HAUS7: variants seen among roughly 807,000 people sequenced by gnomAD.
HAUS7 encodes HAUS augmin-like complex subunit 7.
HAUS7 carries 3 observed loss-of-function variants against 28.4 expected under a neutral mutation model. The ratio of observed to expected loss-of-function variants is 0.11; its 90% CI spans 0.05 to 0.27. The LOEUF (loss-of-function observed/expected upper bound fraction) is 0.27. HAUS7 is among the 10% of genes least tolerant of loss of function. The pLI, the probability that HAUS7 is intolerant of heterozygous loss-of-function variation, is 1.00. For synonymous variants in HAUS7, 165 were observed against 132.1 expected (o/e 1.25, Z -1.71); for missense variants, 284 against 297.3 (o/e 0.96, Z 0.33).
At chrX:153,468,391 C>T (rs1556984580) in intron 2 of HAUS7, among the ~76,000 whole-genome samples, 1 of 112,808 alleles carries the variant, frequency 8.9e-6, no homozygotes, top group Non-Finnish European at 1.9e-5. Context: ...TGGGCACACA[C>T]CCAATCCCAC....
chrX:153,469,886 C>G (rs1176277750), intron 1 of HAUS7, among the ~76,000 whole-genome samples: 6 of 110,792 alleles, frequency 5.4e-5, no homozygotes, highest in African/African-American at 2.0e-4. Context: ...CTGAGCCAGT[C>G]GCGGACAGGA....
chrX:153,449,593 G>C (rs1402688713), intron 9 of HAUS7, among the ~76,000 whole-genome samples: 1 of 112,681 alleles, frequency 8.9e-6, no homozygotes, highest in Admixed American at 9.3e-5. Flanking sequence ...GGGTGTGCAG[G>C]GCCCTCAGTG....
rs1172628014 is a variant in HAUS7 at position 153,475,813 on chromosome X, G to A, written c.-588-4668C>T. 7.7e-5 allele frequency among the ~76,000 whole-genome samples: 3 copies of A among 39,026 alleles called. No individual in the cohort carries two copies. In the East Asian group the frequency reaches 2.8e-3, roughly 37 times the overall value. 33.9% of individuals were successfully genotyped at this position (39,026 alleles called of 115,157 possible). A position where few individuals can be genotyped will look rare whatever the true frequency, so the allele number is the denominator to read the frequency against. On this transcript the variant is annotated intron_variant, in intron 1 of 5. Coordinates refer to the HAUS7 transcript ENST00000370210. ...GGAAAAGGACAGGCACGTAGTAGGT[G>A]CTCCTGCAGAGAGCAGGAGAGCAGG...
chrX:153,493,404 A>G (rs2089683886), intron 1 of HAUS7, among the ~76,000 whole-genome samples: 1 of 112,192 alleles, frequency 8.9e-6, no homozygotes, highest in Admixed American at 9.4e-5. Context: ...ATGAGTTGGC[A>G]GTGGGGGAGG....
intron 1 of HAUS7, among the ~76,000 whole-genome samples, chrX:153,489,699 A>G (rs1455728198): frequency 8.9e-6 from 1 of 112,449 alleles, no homozygotes; most frequent in African/African-American, 3.2e-5. Flanking sequence ...CTCCGGCCTG[A>G]GACCTGGGTG....
intron 1 of HAUS7, among the ~76,000 whole-genome samples, chrX:153,483,853 G>A (rs1436238474): frequency 1.8e-5 from 2 of 112,140 alleles, no homozygotes; most frequent in African/African-American, 6.5e-5. Context: ...GTGGTGGGGA[G>A]AGCTGGCCCG....
intron 1 of HAUS7, chrX:153,481,862 G>A: frequency 1.3e-6 from 1 of 755,703 alleles, no homozygotes; most frequent in Non-Finnish European, 1.6e-6. Context: ...TGCCCAACCT[G>A]GAGTGGCTGG....
chrX:153,479,596 T>C (rs916923003), intron 1 of HAUS7, among the ~76,000 whole-genome samples: 2 of 112,054 alleles, frequency 1.8e-5, no homozygotes, highest in Non-Finnish European at 3.8e-5. Context: ...GGCTGGGGTG[T>C]GCTGGGGAGG....
chrX:153,484,073 C>T (rs1556987957), intron 1 of HAUS7, among the ~76,000 whole-genome samples: 2 of 111,889 alleles, frequency 1.8e-5, no homozygotes, highest in Non-Finnish European at 3.8e-5. Flanking sequence ...GTGCTCCCTC[C>T]GGAGGCCTAG....
At chrX:153,479,200 C>T (rs1325447187) in intron 1 of HAUS7, 13 of 285,293 alleles carry the variant, frequency 4.6e-5, no homozygotes, top group African/African-American at 2.6e-4. Context: ...TTGTGCCGTC[C>T]GCCATCGTCC....
intron 3 of HAUS7, chrX:153,463,151 G>A (rs2089414449): frequency 6.1e-6 from 2 of 329,953 alleles, no homozygotes; most frequent in Non-Finnish European, 1.2e-5. Context: ...ACCTGGCGCC[G>A]TGCACACTGC....
rs1411297284 is a variant in HAUS7, at chrX:153,467,747, G to A, written c.224+1399C>T. ...GTGCAGCCTGGAGAACCCCCCGACT[G>A]CACGGCCACACCATGCTGCGGCTCC... is the stretch of plus-strand genomic sequence containing the variant. On this transcript the variant is annotated intron_variant, in intron 2 of 9. Coordinates refer to ENST00000370211, the MANE Select transcript of HAUS7 (RefSeq NM_001385482.1). 3.5e-5 allele frequency among the ~76,000 whole-genome samples: 4 copies of A among 112,767 alleles called. No individual in the cohort carries two copies. The East Asian group carries it at 1.1e-3, about 31-fold the overall frequency.
rs568383997 is a variant in HAUS7 at position 153,457,948 on chromosome X, C to A, written c.355-720G>T. On this transcript the variant is annotated intron_variant, in intron 4 of 9. Coordinates refer to ENST00000370211, the MANE Select transcript of HAUS7 (RefSeq NM_001385482.1). ...TCTTGAGCTCTGAACATCCTAACCACGTCAAAAGGGTCAACTCCATGGCAT... is the reference window on the plus strand; with the variant it reads ...TCTTGAGCTCTGAACATCCTAACCAAGTCAAAAGGGTCAACTCCATGGCAT... 2.5e-3 allele frequency among the ~76,000 whole-genome samples: 281 copies of A among 113,465 alleles called. 3 individuals are homozygous for A. Among genetic ancestry groups the A allele is most frequent in the African/African-American group, 8.6e-3 (269 of 31,365 alleles).
rs1556982288 is a variant in HAUS7, at chrX:153,456,609, G to C, written c.489C>G (p.Ala163=). The C allele has an allele frequency of 8.5e-7, 1 of 1,182,911 alleles. No individual in the cohort carries two copies. Among genetic ancestry groups the C allele is most frequent in the Non-Finnish European group, 1.1e-6 (1 of 879,685 alleles). ...HFEDTREKNE[A]LLGELFSSPH... is the part of the protein sequence containing the mutation. ...GGCTAGAGAAGAGCTCCCCCAGCAAGGCCTCGTTCTTCTCCCTGGTGTCCT... is the reference window on the plus strand; with the variant it reads ...GGCTAGAGAAGAGCTCCCCCAGCAACGCCTCGTTCTTCTCCCTGGTGTCCT... Residue 163 remains alanine (A), a synonymous_variant, in exon 6 of 10, where the codon GCC becomes GCG. Transcript: ENST00000370211.
intron 3 of HAUS7, among the ~76,000 whole-genome samples, chrX:153,464,072 T>A (rs1276404150): frequency 1.8e-5 from 2 of 112,683 alleles, no homozygotes; most frequent in Non-Finnish European, 3.8e-5. Context: ...TCCTGAACTA[T>A]CCTCACACCC....
intron 2 of HAUS7, among the ~76,000 whole-genome samples, chrX:153,466,225 G>A (rs1419846718): frequency 3.5e-5 from 4 of 112,775 alleles, no homozygotes; most frequent in African/African-American, 9.7e-5. Context: ...CGGGGTTGCC[G>A]AGAACATCTC....
At chrX:153,484,697 C>T (rs782160134) in intron 1 of HAUS7, among the ~76,000 whole-genome samples, 2 of 113,095 alleles carry the variant, frequency 1.8e-5, no homozygotes, top group South Asian at 7.2e-4. Context: ...TTAATTATTC[C>T]TCTTTCCTCT....
upstream of HAUS7, among the ~76,000 whole-genome samples, chrX:153,473,261 G>A (rs782560200): frequency 3.5e-5 from 4 of 112,941 alleles, no homozygotes; most frequent in South Asian, 3.6e-4. Flanking sequence ...AAGACACCGC[G>A]AATCAAAGGA....
upstream of HAUS7, among the ~76,000 whole-genome samples, chrX:153,475,023 C>T (rs1247387178): frequency 1.8e-5 from 2 of 112,062 alleles, no homozygotes; most frequent in Non-Finnish European, 1.9e-5. Context: ...AGGGGGCGCC[C>T]GCCTCGCCTT....
Sources: allele counts gnomAD v4.1 joint callset (sites outside exome capture counted in the v4.1 genomes callset), GRCh38; gene constraint gnomAD v4.1.1; transcripts MANE v1.5; gene names NCBI Gene and HGNC (gene_info 2026-07-23, HGNC 2026-07-21).